Variants in ADAMTS3 observed in about 807,000 individuals in gnomAD.
The protein encoded by ADAMTS3 is A disintegrin and metalloproteinase with thrombospondin motifs 3.
ADAMTS3 carries 73 observed loss-of-function variants against 129.0 expected under a neutral mutation model. The observed-to-expected ratio is 0.57, with a 90% CI of 0.47 to 0.69. The LOEUF is 0.69. Ranked by LOEUF, ADAMTS3 falls within the 30% of genes least tolerant of loss-of-function variation. The probability of loss-of-function intolerance (pLI) is 0.00; values close to 1 mark genes in which losing one functional copy is unlikely to be tolerated. For synonymous variants in ADAMTS3, 477 were observed against 510.8 expected (o/e 0.93, Z 0.89); for missense variants, 1,457 against 1,514.5 (o/e 0.96, Z 0.63).
chr4:72,411,636 G>A (rs1311471078), intron 4 of ADAMTS3, among the ~76,000 whole-genome samples: 1 of 152,002 alleles, frequency 6.6e-6, no homozygotes, highest in Non-Finnish European at 1.5e-5. Context: ...TTGCCTCTGG[G>A]ACATGAATAT....
intron 4 of ADAMTS3, among the ~76,000 whole-genome samples, chr4:72,394,569 AC>A (rs1351916309): frequency 6.6e-6 from 1 of 152,182 alleles, no homozygotes; most frequent in Non-Finnish European, 1.5e-5. Context: ...AGATCTCTTC[AC>A]CCAAAACATT....
At position 72,412,212 on chromosome 4, in the gene ADAMTS3, G is replaced by C. The variant is rs538607587; in HGVS notation, c.661+2603C>G. On this transcript the variant is annotated intron_variant, in intron 4 of 21. Transcript: ENST00000286657. ...TCAAACACATTTCATTCCATGTAAG[G>C]CTTAGCTTATGGATTTTATTCCTCT... Among the ~76,000 whole-genome samples, 61 of 152,042 alleles carry C rather than the reference G, an allele frequency of 4.0e-4. No homozygotes were observed. The South Asian group carries it at 0.011, about 27-fold the overall frequency.
intron 2 of ADAMTS3, among the ~76,000 whole-genome samples, chr4:72,550,003 AG>A: frequency 2.3e-4 from 1 of 4,408 alleles, no homozygotes; most frequent in African/African-American, 1.4e-3. Context: ...AGGAAGAGGA[AG>A]AAGAAGAAGA....
At chr4:72,326,256 A>G (rs1269855261) in intron 5 of ADAMTS3, among the ~76,000 whole-genome samples, 1 of 152,096 alleles carries the variant, frequency 6.6e-6, no homozygotes, top group East Asian at 1.9e-4. Flanking sequence ...GTGGCAAATA[A>G]CCAGCTGTCT....
chr4:72,296,277 G>A (rs549379215), intron 18 of ADAMTS3, among the ~76,000 whole-genome samples: 1 of 151,956 alleles, frequency 6.6e-6, no homozygotes, highest in Non-Finnish European at 1.5e-5. Context: ...TCCAAGCAAA[G>A]GAAATAACGT....
intron 3 of ADAMTS3, among the ~76,000 whole-genome samples, chr4:72,473,011 T>C (rs1719120349): frequency 6.6e-6 from 1 of 152,090 alleles, no homozygotes; most frequent in Non-Finnish European, 1.5e-5. Context: ...GGAACCCCAT[T>C]ACAAAATTTC....
At chr4:72,442,237 G>T in intron 3 of ADAMTS3, 1 of 151,760 alleles carries the variant, frequency 6.6e-6, no homozygotes, top group East Asian at 2.0e-4. Context: ...GCACAGAAAA[G>T]GAGCACACAA....
chr4:72,442,861 T>C (rs1022591990), intron 3 of ADAMTS3, among the ~76,000 whole-genome samples: 2 of 151,758 alleles, frequency 1.3e-5, no homozygotes, highest in African/African-American at 4.8e-5. Context: ...TTGTCTTTCA[T>C]GTAGAAAGGG....
At position 72,319,475 on chromosome 4, in the gene ADAMTS3, C is replaced by T. The variant is rs1344745090; in HGVS notation, c.1209G>A (p.Val403=). 1.9e-6 allele frequency: 3 copies of T among 1,609,376 alleles called. No homozygotes were observed. The highest frequency in any genetic ancestry group is 2.5e-6 in the Non-Finnish European group (3 of 1,178,770). The change falls in exon 9 of 22, where the codon GTG becomes GTA. Residue 403 remains valine, a splice_region_variant and synonymous_variant. Coordinates refer to ENST00000286657, the MANE Select transcript of ADAMTS3 (RefSeq NM_014243.3). The part of the protein sequence containing the change: ...AFVVAHETGH[V]LGMEHDGQGN... ...CTTGTCCATCATGCTCCATTCCCAA[C>T]CTAGAACACAAAGAGACCTCAGTGG... is the stretch of plus-strand genomic sequence containing the variant.
chr4:72,482,333 A>G (rs768399421), intron 3 of ADAMTS3, among the ~76,000 whole-genome samples: 3 of 152,130 alleles, frequency 2.0e-5, no homozygotes, highest in Non-Finnish European at 4.4e-5. Flanking sequence ...AATAAAAAAA[A>G]TGAACAAACT....
In ADAMTS3 at chr4:72,560,700, G is replaced by A. The variant is rs185626540; in HGVS notation, c.97+6674C>T. ...GGGCCCATTGAGGGGTGGGGTGGAG[G>A]AGAAGAGAGCACTAGGAAAAATAGC... is the stretch of plus-strand genomic sequence containing the variant. On this transcript the variant is annotated intron_variant, in intron 2 of 21. Coordinates refer to ENST00000286657, the MANE Select transcript of ADAMTS3 (RefSeq NM_014243.3). Among the ~76,000 whole-genome samples, 961 of 152,258 alleles carry A rather than the reference G, an allele frequency of 6.3e-3. 3 individuals carry two copies. Among genetic ancestry groups the A allele is most frequent in the Non-Finnish European group, 0.011 (721 of 68,010 alleles).
In ADAMTS3 at chr4:72,325,969, A is replaced by T. The variant is rs79136886; in HGVS notation, c.862-2872T>A. Among the ~76,000 whole-genome samples, 1,096 of 152,304 alleles carry T rather than the reference A, an allele frequency of 7.2e-3. 9 individuals carry two copies. The highest frequency in any genetic ancestry group is 0.025 in the African/African-American group (1,041 of 41,572). On this transcript the variant is annotated intron_variant, in intron 5 of 21. Coordinates refer to ENST00000286657, the MANE Select transcript of ADAMTS3 (RefSeq NM_014243.3). ...GAAAGTACAATGGACAAAATTATTA[A>T]TCTCAATAGCAAATAGGATATTATA...
chr4:72,370,257 C>G (rs2109866040), intron 4 of ADAMTS3, among the ~76,000 whole-genome samples: 1 of 152,270 alleles, frequency 6.6e-6, no homozygotes, highest in African/African-American at 2.4e-5. Flanking sequence ...GACTCTGGTG[C>G]CCAGGCTGTT....
Position 72,283,588 on chromosome 4 carries a change from T to C in ADAMTS3, c.3166A>G (p.Thr1056Ala), listed in dbSNP as rs1578548116. Residue 1056 changes from threonine (T) to alanine (A), a missense_variant, in exon 22 of 22, where the codon ACC becomes GCC. Thr to Ala is a moderately conservative substitution (Grantham distance 58, BLOSUM62 0). Transcript: ENST00000286657. The part of the protein sequence containing the change: ...CCESCSKRSS[T>A]LPPPYLLEAA... ...TCTAGAAGGTATGGTGGTGGCAGGG[T>C]GCTACTGCGCTTGCTGCAGGACTCA... 1 of 1,613,904 alleles carries C rather than the reference T, an allele frequency of 6.2e-7. No homozygotes were observed. Among genetic ancestry groups the C allele is most frequent in the Non-Finnish European group, 8.5e-7 (1 of 1,179,954 alleles).
At chr4:72,514,918 C>T (rs1227758876) in intron 3 of ADAMTS3, among the ~76,000 whole-genome samples, 2 of 151,824 alleles carry the variant, frequency 1.3e-5, no homozygotes, top group African/African-American at 2.4e-5. Context: ...ATGTGCCATG[C>T]TGGTGTGCTG....
chr4:72,315,529 A>C (rs1011010245), intron 11 of ADAMTS3, among the ~76,000 whole-genome samples: 4 of 152,144 alleles, frequency 2.6e-5, no homozygotes, highest in Non-Finnish European at 5.9e-5. Context: ...GGGAGAAGCA[A>C]AGAAAAGATT....
chr4:72,431,221 A>G (rs1246263290), intron 3 of ADAMTS3, among the ~76,000 whole-genome samples: 1 of 152,010 alleles, frequency 6.6e-6, no homozygotes, highest in Non-Finnish European at 1.5e-5. Context: ...AAACCTGTTG[A>G]TACTTCTGCT....
At position 72,299,512 on chromosome 4, in the gene ADAMTS3, C is replaced by T. The variant is rs551192363; in HGVS notation, c.2425-1070G>A. Among the ~76,000 whole-genome samples, 6 of 152,202 alleles carry T rather than the reference C, an allele frequency of 3.9e-5. No individual in the cohort carries two copies. The South Asian group carries it at 1.2e-3, about 32-fold the overall frequency. ...ACCTTTGTGGGGATTTCTGGCGTTT[C>T]TTAGTAGACTGAAGGGAACAAACAC... is the stretch of plus-strand genomic sequence containing the variant. On this transcript the variant is annotated intron_variant, in intron 17 of 21. Coordinates refer to ENST00000286657, the MANE Select transcript of ADAMTS3 (RefSeq NM_014243.3).
At chr4:72,455,389 C>A (rs1718519342) in intron 3 of ADAMTS3, among the ~76,000 whole-genome samples, 1 of 151,536 alleles carries the variant, frequency 6.6e-6, no homozygotes, top group Non-Finnish European at 1.5e-5. Context: ...AAACCAAACA[C>A]CACATGTTCT....
Sources: gnomAD v4.1 joint callset for allele counts (sites outside exome capture counted in the v4.1 genomes callset) on GRCh38, gnomAD v4.1.1 for gene constraint, MANE v1.5 for transcripts, NCBI Gene and HGNC (gene_info 2026-07-23, HGNC 2026-07-21) for gene names.